The following KAZN variants were observed in gnomAD, a reference collection of about 807,000 sequenced individuals.
KAZN encodes the protein kazrin.
Under a neutral mutation model 87.4 loss-of-function variants are expected in KAZN, and 40 were observed. The ratio of observed to expected loss-of-function variants is 0.46; its 90% CI spans 0.36 to 0.60. KAZN has a LOEUF of 0.60. KAZN is among the 20% of genes least tolerant of loss of function. KAZN has a pLI of 0.00. For synonymous variants in KAZN, 466 were observed against 458.3 expected (o/e 1.02, Z -0.22); for missense variants, 898 against 1,073.9 (o/e 0.84, Z 2.29).
intron 2 of KAZN, among the ~76,000 whole-genome samples, chr1:14,586,882 G>A (rs1488950292): frequency 6.6e-6 from 1 of 152,070 alleles, no homozygotes; most frequent in East Asian, 1.9e-4. Context: ...TGAACTTTGA[G>A]GTTCCTTCCA....
chr1:14,597,601 T>A (rs983167448), upstream of KAZN, among the ~76,000 whole-genome samples: 3 of 152,172 alleles, frequency 2.0e-5, no homozygotes, highest in Non-Finnish European at 2.9e-5. Flanking sequence ...GCTTGGTTCT[T>A]ATGGGCTTCC....
chr1:14,259,111 G>A (rs1650807988), intron 2 of KAZN, among the ~76,000 whole-genome samples: 1 of 151,958 alleles, frequency 6.6e-6, no homozygotes, highest in Non-Finnish European at 1.5e-5. Flanking sequence ...AAGTCACAAA[G>A]GCCGATGGTT....
At chr1:14,488,224 A>G (rs1228697996) in intron 2 of KAZN, among the ~76,000 whole-genome samples, 1 of 152,146 alleles carries the variant, frequency 6.6e-6, no homozygotes, top group African/African-American at 2.4e-5. Context: ...CTTCAATACA[A>G]TATTCTTGAC....
chr1:14,573,558 A>C (rs918552735), intron 2 of KAZN, among the ~76,000 whole-genome samples: 1 of 152,174 alleles, frequency 6.6e-6, no homozygotes, highest in Non-Finnish European at 1.5e-5. Context: ...GAGGCAGAAG[A>C]ATCACTTAAA....
Position 14,280,654 on chromosome 1 carries a change from C to T in KAZN, c.249+100062C>T, listed in dbSNP as rs549787821. Among the ~76,000 whole-genome samples the T allele has an allele frequency of 2.6e-5, 4 of 152,272 alleles. No individual in the cohort carries two copies. The East Asian group carries it at 5.8e-4, about 22-fold the overall frequency. On this transcript the variant is annotated intron_variant, in intron 2 of 16. Transcript: ENST00000636203. ...TGATACCTTGATCTTGGACTTCTAG[C>T]CTCCAGAATGGTGGGACAATAATTT...
intron 2 of KAZN, among the ~76,000 whole-genome samples, chr1:14,373,821 A>G (rs1181663062): frequency 6.6e-6 from 1 of 152,210 alleles, no homozygotes; most frequent in African/African-American, 2.4e-5. Context: ...ATCGAGGCTT[A>G]TATTAAAGAT....
intron 1 of KAZN, among the ~76,000 whole-genome samples, chr1:14,855,080 G>A (rs891533814): frequency 6.6e-6 from 1 of 152,082 alleles, no homozygotes; most frequent in African/African-American, 2.4e-5. Context: ...TGGAAGGAGG[G>A]ACTGTTGTTT....
At chr1:14,657,495 T>C (rs888670539) in intron 1 of KAZN, among the ~76,000 whole-genome samples, 2 of 152,248 alleles carry the variant, frequency 1.3e-5, no homozygotes, top group African/African-American at 4.8e-5. Context: ...ATGCTGATGC[T>C]AGTGGCCCAG....
rs565822145 is a variant in KAZN, at chr1:14,146,417, T to A, written c.92-34018T>A. ...TGGGCATGGTGGTGGGCACCTGTAA[T>A]CCCAGCTACTCGGGAGGCTGAGGCA... On this transcript the variant is annotated intron_variant, in intron 1 of 16. Transcript: ENST00000636203. Among the ~76,000 whole-genome samples, 108 of 150,674 alleles carry A rather than the reference T, an allele frequency of 7.2e-4. 1 individual carries two copies. The highest frequency in any genetic ancestry group is 2.5e-3 in the African/African-American group (102 of 41,024).
Position 15,041,578 on chromosome 1 carries a change from C to G in KAZN, c.556-2411C>G, listed in dbSNP as rs193168903. Among the ~76,000 whole-genome samples the G allele has an allele frequency of 1.8e-3, 268 of 152,084 alleles. 1 individual carries two copies. Among genetic ancestry groups the G allele is most frequent in the African/African-American group, 5.2e-3 (217 of 41,464 alleles). Reference sequence around the variant, plus strand: ...TCTCGAACTCTCGACCTCAGGTGATCCATCCACCTCAGCCTCCCAAAATAC... The same window carrying G: ...TCTCGAACTCTCGACCTCAGGTGATGCATCCACCTCAGCCTCCCAAAATAC... On this transcript the variant is annotated intron_variant, in intron 3 of 14. Coordinates refer to ENST00000376030, the MANE Select transcript of KAZN (RefSeq NM_201628.3).
intron 1 of KAZN, among the ~76,000 whole-genome samples, chr1:14,694,941 G>A (rs563297539): frequency 9.2e-5 from 14 of 152,180 alleles, no homozygotes; most frequent in Non-Finnish European, 2.1e-4. Flanking sequence ...GCCTTATATC[G>A]GAGGTCATGG....
At chr1:15,110,118 T>C (rs926416628) in intron 13 of KAZN, among the ~76,000 whole-genome samples, 1 of 103,904 alleles carries the variant, frequency 9.6e-6, no homozygotes, top group Non-Finnish European at 2.2e-5. Flanking sequence ...TTTGTGTGTG[T>C]ATTTGTGTAT....
intron 2 of KAZN, among the ~76,000 whole-genome samples, chr1:14,355,553 T>C (rs2100958895): frequency 6.6e-6 from 1 of 152,252 alleles, no homozygotes; most frequent in Middle Eastern, 3.4e-3. Context: ...CTACATTAGG[T>C]ATTTCTCCTA....
chr1:14,387,362 G>A (rs1317313604), intron 2 of KAZN, among the ~76,000 whole-genome samples: 1 of 152,206 alleles, frequency 6.6e-6, no homozygotes, highest in Non-Finnish European at 1.5e-5. Context: ...GTGAGGAACT[G>A]CGTTCCTTTG....
At chr1:14,702,573 C>T (rs1345496356) in intron 1 of KAZN, among the ~76,000 whole-genome samples, 3 of 152,094 alleles carry the variant, frequency 2.0e-5, no homozygotes, top group African/African-American at 2.4e-5. Context: ...TGTTTTTTCT[C>T]AAGGCAGGAA....
chr1:15,050,116 T>TAG (rs140741292), intron 4 of KAZN, among the ~76,000 whole-genome samples: 1 of 72,270 alleles, frequency 1.4e-5, no homozygotes, highest in African/African-American at 9.4e-5. Context: ...TAGAGTAGAG[T>TAG]AGTAGAGTAG....
At chr1:14,679,034 T>C (rs1258392538) in intron 1 of KAZN, among the ~76,000 whole-genome samples, 1 of 152,240 alleles carries the variant, frequency 6.6e-6, no homozygotes, top group Admixed American at 6.5e-5. Context: ...AGACTTTACC[T>C]TTTGCAAGCC....
At chr1:14,875,591 C>T (rs1652680606) in intron 1 of KAZN, among the ~76,000 whole-genome samples, 1 of 152,074 alleles carries the variant, frequency 6.6e-6, no homozygotes, top group African/African-American at 2.4e-5. Context: ...GAGGCACAGA[C>T]CAGGCTTCCT....
chr1:14,675,027 C>T (rs1414398592), intron 1 of KAZN, among the ~76,000 whole-genome samples: 1 of 152,210 alleles, frequency 6.6e-6, no homozygotes, highest in African/African-American at 2.4e-5. Context: ...ATCTTCAAGG[C>T]TCCCACATTC....
Sources: allele counts gnomAD v4.1 joint callset (sites outside exome capture counted in the v4.1 genomes callset), GRCh38; gene constraint gnomAD v4.1.1; transcripts MANE v1.5; gene names NCBI Gene and HGNC (gene_info 2026-07-23, HGNC 2026-07-21).